DST: variants seen among roughly 807,000 people sequenced by gnomAD.
The protein encoded by DST is bullous pemphigoid antigen.
DST carries 253 observed loss-of-function variants against 875.2 expected under a neutral mutation model. The ratio of observed to expected loss-of-function variants is 0.29; its 90% CI spans 0.26 to 0.32. The LOEUF is 0.32. Ranked by LOEUF, DST falls within the 10% of genes least tolerant of loss-of-function variation. The pLI is 1.00. For synonymous variants in DST, 3,124 were observed against 3,197.1 expected (o/e 0.98, Z 0.77); for missense variants, 8,287 against 9,111.6 (o/e 0.91, Z 3.68).
chr6:56,604,197 T>C lies in DST; in HGVS notation c.10431A>G (p.Lys3477=). ...GAAGTACTTTAGACGTAATGCCTCT[T>C]TTCTCTAGGTCATACTCCATATGAG... ...ELTHMEYDLE[K]RGITSKVLPL... is the part of the protein sequence containing the mutation. The change falls in exon 40 of 104, where the codon AAA becomes AAG. Residue 3477 remains lysine, a synonymous_variant. Coordinates refer to ENST00000680361, the MANE Select transcript of DST (RefSeq NM_001374736.1). The C allele has an allele frequency of 6.2e-7, 1 of 1,604,526 alleles. No homozygotes were observed. The highest frequency in any genetic ancestry group is 8.5e-7 in the Non-Finnish European group (1 of 1,174,686).
chr6:56,636,583 T>A lies in DST; in HGVS notation c.3034A>T (p.Ile1012Leu). 6.2e-7 allele frequency: 1 copy of A among 1,613,498 alleles called. No individual in the cohort carries two copies. The change falls in exon 23 of 104, where the codon ATA (isoleucine) becomes TTA (leucine). Residue 1012 changes from isoleucine (I) to leucine (L), a missense_variant. Ile to Leu is a conservative substitution (Grantham distance 5, BLOSUM62 2). This residue lies in a region of DST where 1,160 missense variants were observed against 1,424.3 expected (regional missense o/e 0.81). Transcript: ENST00000680361. ...TCGAAATACGCTGTGTTCTCCTTTA[T>A]GTGCTGCTCCACACACTGGCAGAGC... ...LQLCQCVEQH[I>L]KENTAYFEFF... is the part of the protein sequence containing the mutation.
intron 2 of DST, among the ~76,000 whole-genome samples, chr6:56,950,330 A>C (rs1338105008): frequency 1.3e-5 from 2 of 152,096 alleles, no homozygotes; most frequent in African/African-American, 4.8e-5. Flanking sequence ...ACCACTATTC[A>C]CTCTGGATAT....
rs368598417 is a variant in DST at position 56,722,682 on chromosome 6, TA to T, written c.687+12545del. On this transcript the variant is annotated intron_variant, in intron 5 of 103. Transcript: ENST00000680361. ...CAGGCATGAGCCACCGCGCCCAGCC[TA>T]AAAGTAGTACATGTTCTTTTTAGAA... is the stretch of plus-strand genomic sequence containing the variant. Among the ~76,000 whole-genome samples, 92 of 152,192 alleles carry T rather than the reference TA, an allele frequency of 6.0e-4. 2 individuals carry two copies. In the South Asian group the frequency reaches 0.018, roughly 30 times the overall value.
At chr6:56,778,082 A>C (rs1457150644) in intron 4 of DST, among the ~76,000 whole-genome samples, 1 of 152,168 alleles carries the variant, frequency 6.6e-6, no homozygotes, top group African/African-American at 2.4e-5. Flanking sequence ...TATTCCAGTT[A>C]CAAATTTATT....
chr6:56,637,046 G>A (rs865836055), intron 22 of DST, among the ~76,000 whole-genome samples: 1 of 151,938 alleles, frequency 6.6e-6, no homozygotes, highest in South Asian at 2.1e-4. Context: ...TTGCGCCATC[G>A]CACTCCAGCC....
chr6:56,668,472 T>G (rs979733135), intron 10 of DST, among the ~76,000 whole-genome samples: 2 of 152,160 alleles, frequency 1.3e-5, no homozygotes, highest in African/African-American at 4.8e-5. Context: ...CCAAGCACGG[T>G]GGCTCATGCC....
intron 37 of DST, 69 bp from the exon 38 acceptor site, chr6:56,611,665 A>G: frequency 3.5e-6 from 4 of 1,140,136 alleles, no homozygotes; most frequent in South Asian, 2.8e-5. Context: ...TTTTAAAAAA[A>G]AGAAATTAAT....
At position 56,627,324 on chromosome 6, in the gene DST, G is replaced by C. The variant is rs759147537; in HGVS notation, c.4639-37C>G. 3.5e-6 allele frequency: 5 copies of C among 1,433,860 alleles called. No individual in the cohort carries two copies. In the South Asian group the frequency reaches 5.7e-5, roughly 16 times the overall value. The allele number at this position is 1,433,860 out of a possible 1,614,324, so 88.8% of individuals were successfully genotyped here. Reference sequence around the variant, plus strand: ...CACAGTTTAGAACAAAAATGACAAGGAATTCAGCTATTCTACTACATAAGA... The same window carrying C: ...CACAGTTTAGAACAAAAATGACAAGCAATTCAGCTATTCTACTACATAAGA... On this transcript the variant is annotated intron_variant, in intron 33 of 103. Coordinates refer to ENST00000680361, the MANE Select transcript of DST (RefSeq NM_001374736.1).
chr6:56,585,504 G>T (rs1416467879), intron 49 of DST, among the ~76,000 whole-genome samples: 1 of 151,630 alleles, frequency 6.6e-6, no homozygotes, highest in Admixed American at 6.6e-5. Context: ...TATTAGTCTT[G>T]CTAGCAGTCT....
At chr6:56,478,678 C>A (rs546273800) in intron 90 of DST, among the ~76,000 whole-genome samples, 20 of 152,152 alleles carry the variant, frequency 1.3e-4, no homozygotes, top group African/African-American at 4.6e-4. Flanking sequence ...CTGCAAACAC[C>A]CCAGTCTCTC....
chr6:56,458,598 TC>T lies in DST; in HGVS notation c.*406del, dbSNP rs1478000854. The T allele has an allele frequency of 6.5e-6, 1 of 154,524 alleles. No individual in the cohort carries two copies. The highest frequency in any genetic ancestry group is 2.4e-5 in the African/African-American group (1 of 41,512). The allele number at this position is 154,524 out of a possible 1,614,324, so 9.6% of individuals were successfully genotyped here. On this transcript the variant is annotated 3_prime_UTR_variant, in exon 104 of 104. Transcript: ENST00000680361. Reference sequence around the variant, plus strand: ...TACATTTAAATCATCTCAAAAAATATCCCCTGCATGTATCATTCAGCTTCTC... The same window carrying T: ...TACATTTAAATCATCTCAAAAAATATCCCTGCATGTATCATTCAGCTTCTC...
chr6:56,823,439 T>A (rs1483136315), intron 4 of DST, among the ~76,000 whole-genome samples: 1 of 151,642 alleles, frequency 6.6e-6, no homozygotes, highest in Non-Finnish European at 1.5e-5. Flanking sequence ...TGAGACAGAG[T>A]CTCGCTCTAT....
intron 47 of DST, among the ~76,000 whole-genome samples, chr6:56,594,439 G>A (rs1023008858): frequency 1.3e-5 from 2 of 152,064 alleles, no homozygotes; most frequent in Non-Finnish European, 2.9e-5. Flanking sequence ...TAATCAGATA[G>A]GACAGACACC....
intron 61 of DST, 147 bp from the exon 62 acceptor site, chr6:56,537,087 A>G: frequency 1.5e-6 from 1 of 651,698 alleles, no homozygotes; most frequent in South Asian, 2.5e-5. Context: ...CATAGGTCAT[A>G]GCTACCTTCT....
At chr6:56,580,393 T>C (rs2097950156) in intron 49 of DST, among the ~76,000 whole-genome samples, 1 of 151,532 alleles carries the variant, frequency 6.6e-6, no homozygotes, top group South Asian at 2.1e-4. Flanking sequence ...CAAAAAAAAA[T>C]TAAAAAATTA....
intron 36 of DST, chr6:56,618,843 G>T: frequency 1.2e-6 from 2 of 1,614,078 alleles, no homozygotes; most frequent in Non-Finnish European, 1.7e-6. Flanking sequence ...TGGGTCATCT[G>T]CTCCTCTATG....
chr6:56,580,463 C>T (rs1348951538), intron 49 of DST, among the ~76,000 whole-genome samples: 5 of 151,942 alleles, frequency 3.3e-5, no homozygotes, highest in East Asian at 1.9e-4. Context: ...TCAGGAAGAC[C>T]GCATGAGCCC....
chr6:56,822,373 G>C (rs1253978005), intron 4 of DST, among the ~76,000 whole-genome samples: 1 of 152,176 alleles, frequency 6.6e-6, no homozygotes, highest in East Asian at 1.9e-4. Context: ...GACGCAGGGG[G>C]AGGCAGCAGT....
At chr6:56,867,716 A>G (rs1320039769) in intron 3 of DST, among the ~76,000 whole-genome samples, 1 of 152,050 alleles carries the variant, frequency 6.6e-6, no homozygotes. Flanking sequence ...AGTGCCAGCT[A>G]TTCGGGAGGC....
Sources: allele counts gnomAD v4.1 joint callset (sites outside exome capture counted in the v4.1 genomes callset), GRCh38; gene constraint gnomAD v4.1.1; regional missense constraint gnomAD v4.1.1; transcripts MANE v1.5; gene names NCBI Gene and HGNC (gene_info 2026-07-23, HGNC 2026-07-21).